Variants in ENTHD1 observed in about 807,000 individuals in gnomAD.
ENTHD1 encodes ENTH domain containing 1.
Under a neutral mutation model 39.1 loss-of-function variants are expected in ENTHD1, and 23 were observed. That is an observed-to-expected ratio of 0.59 (90% CI 0.42 to 0.83). The LOEUF is 0.83. ENTHD1 is among the 40% of genes least tolerant of loss of function. ENTHD1 has a pLI of 0.00. For synonymous variants in ENTHD1, 230 were observed against 258.2 expected (o/e 0.89, Z 1.05); for missense variants, 624 against 705.4 (o/e 0.88, Z 1.31).
intron 6 of ENTHD1, among the ~76,000 whole-genome samples, chr22:39,757,897 C>T (rs926743325): frequency 6.6e-6 from 1 of 152,054 alleles, no homozygotes; most frequent in Non-Finnish European, 1.5e-5. Flanking sequence ...GACAGTTCCT[C>T]CTTCATGCAC....
chr22:39,809,606 A>C (rs1158502354), intron 5 of ENTHD1, among the ~76,000 whole-genome samples: 1 of 152,156 alleles, frequency 6.6e-6, no homozygotes, highest in African/African-American at 2.4e-5. Context: ...TATTACATAC[A>C]ATTTGCTCAG....
chr22:39,784,913 G>T (rs886666692), intron 5 of ENTHD1, among the ~76,000 whole-genome samples: 1 of 152,036 alleles, frequency 6.6e-6, no homozygotes, highest in African/African-American at 2.4e-5. Context: ...ATTTCAAAAC[G>T]GCTAGAAGAG....
intron 3 of ENTHD1, among the ~76,000 whole-genome samples, chr22:39,861,467 G>A (rs893282160): frequency 1.4e-4 from 22 of 152,104 alleles, no homozygotes; most frequent in African/African-American, 4.6e-4. Context: ...TTGAACCCAG[G>A]AGACAGAGGT....
intron 3 of ENTHD1, among the ~76,000 whole-genome samples, chr22:39,858,833 C>T (rs1011357247): frequency 6.6e-6 from 1 of 152,212 alleles, no homozygotes; most frequent in Admixed American, 6.5e-5. Context: ...CTTAAAGTCA[C>T]CAGTTGCATT....
chr22:39,781,437 G>T (rs1253821587), intron 5 of ENTHD1, among the ~76,000 whole-genome samples: 1 of 152,062 alleles, frequency 6.6e-6, no homozygotes, highest in Non-Finnish European at 1.5e-5. Flanking sequence ...AATTAAGAAG[G>T]AAATTTAAAA....
At position 39,745,504 on chromosome 22, in the gene ENTHD1, A is replaced by G. The variant is rs1416071323; in HGVS notation, c.1220-1221T>C. The stretch of plus-strand genomic sequence containing the variant: ...TCAAAGCTTTCCATGGCCTATCTCC[A>G]CTTCTCAGGAAAAATTCCAATCACA... On this transcript the variant is annotated intron_variant, in intron 6 of 6. Coordinates refer to ENST00000325157, the MANE Select transcript of ENTHD1 (RefSeq NM_152512.4). Among the ~76,000 whole-genome samples the G allele has an allele frequency of 2.6e-5, 4 of 152,158 alleles. No individual in the cohort carries two copies. In the East Asian group the frequency reaches 7.7e-4, roughly 29 times the overall value.
At chr22:39,879,258 C>G (rs1408240748) in intron 2 of ENTHD1, among the ~76,000 whole-genome samples, 1 of 151,332 alleles carries the variant, frequency 6.6e-6, no homozygotes. Context: ...GTCAGGAGAT[C>G]GAGACCATCC....
chr22:39,778,592 A>T (rs948869540), intron 5 of ENTHD1, among the ~76,000 whole-genome samples: 4 of 152,210 alleles, frequency 2.6e-5, no homozygotes, highest in Non-Finnish European at 5.9e-5. Context: ...AGCAAAAAAG[A>T]CACCTATTAA....
intron 6 of ENTHD1, among the ~76,000 whole-genome samples, chr22:39,759,412 T>C (rs1288487191): frequency 6.6e-6 from 1 of 152,136 alleles, no homozygotes; most frequent in Admixed American, 6.5e-5. Flanking sequence ...ATGTTGTTCA[T>C]AATACTCTCT....
At chr22:39,861,561 T>C (rs1474053504) in intron 3 of ENTHD1, among the ~76,000 whole-genome samples, 1 of 151,888 alleles carries the variant, frequency 6.6e-6, no homozygotes, top group Non-Finnish European at 1.5e-5. Context: ...AATAAATAAA[T>C]AAAGCAAACA....
At chr22:39,865,028 G>A (rs957193419) in intron 2 of ENTHD1, among the ~76,000 whole-genome samples, 3 of 152,192 alleles carry the variant, frequency 2.0e-5, no homozygotes, top group Non-Finnish European at 4.4e-5. Flanking sequence ...CAACTTAGCT[G>A]CCTAAGACAG....
At chr22:39,846,011 A>G (rs1430995619) in intron 3 of ENTHD1, among the ~76,000 whole-genome samples, 2 of 152,148 alleles carry the variant, frequency 1.3e-5, no homozygotes. Context: ...AGAGCCCAGA[A>G]ATAAATCCAT....
intron 5 of ENTHD1, among the ~76,000 whole-genome samples, chr22:39,781,471 G>T (rs1345282551): frequency 6.6e-6 from 1 of 152,052 alleles, no homozygotes; most frequent in Non-Finnish European, 1.5e-5. Flanking sequence ...AATGAAAATG[G>T]AAATACAACA....
chr22:39,782,381 G>A (rs892804884), intron 5 of ENTHD1, among the ~76,000 whole-genome samples: 1 of 151,352 alleles, frequency 6.6e-6, no homozygotes, highest in African/African-American at 2.4e-5. Context: ...GAGTTCCACC[G>A]TAAAAAAGAA....
At chr22:39,752,660 A>C (rs1035010514) in intron 6 of ENTHD1, among the ~76,000 whole-genome samples, 3 of 152,244 alleles carry the variant, frequency 2.0e-5, no homozygotes, top group African/African-American at 7.2e-5. Flanking sequence ...ACTTATGCTA[A>C]ATTTTAATTG....
At chr22:39,888,260 C>CTTTTTTTT (rs61092462) in intron 1 of ENTHD1, among the ~76,000 whole-genome samples, 19 of 110,618 alleles carry the variant, frequency 1.7e-4, no homozygotes, top group South Asian at 3.1e-4. Context: ...TTCTTTCTTT[C>CTTTTTTTT]TTTTTTTTTT....
intron 4 of ENTHD1, among the ~76,000 whole-genome samples, chr22:39,826,171 C>T (rs986502997): frequency 2.6e-5 from 4 of 152,130 alleles, no homozygotes; most frequent in East Asian, 3.9e-4. Context: ...GCATGCCTGG[C>T]CCGTAAGTAT....
intron 2 of ENTHD1, among the ~76,000 whole-genome samples, chr22:39,887,013 C>CT (rs931118042): frequency 6.6e-6 from 1 of 151,218 alleles, no homozygotes; most frequent in East Asian, 1.9e-4. Flanking sequence ...AGTGTGTTCA[C>CT]TTTTTTTTTC....
intron 5 of ENTHD1, among the ~76,000 whole-genome samples, chr22:39,793,162 A>C (rs1665459896): frequency 6.6e-6 from 1 of 151,956 alleles, no homozygotes; most frequent in African/African-American, 2.4e-5. Context: ...TGTAGTTTTT[A>C]TTTGCATTTC....
Sources: allele counts gnomAD v4.1 joint callset (sites outside exome capture counted in the v4.1 genomes callset), GRCh38; gene constraint gnomAD v4.1.1; transcripts MANE v1.5; gene names NCBI Gene and HGNC (gene_info 2026-07-23, HGNC 2026-07-21).